XKR6: variants seen among roughly 807,000 people sequenced by gnomAD.
XKR6 encodes the protein XK related 6, also known as XK-related protein 6.
XKR6 carries 22 observed loss-of-function variants against 56.7 expected under a neutral mutation model. The ratio of observed to expected loss-of-function variants is 0.39; its 90% CI spans 0.28 to 0.55. The LOEUF (loss-of-function observed/expected upper bound fraction) is 0.55. Ranked by LOEUF, XKR6 falls within the 20% of genes least tolerant of loss-of-function variation. The probability of loss-of-function intolerance (pLI) is 0.66; values close to 1 mark genes in which losing one functional copy is unlikely to be tolerated. For missense variants in XKR6, 852 were observed against 889.0 expected (o/e 0.96, Z 0.53); for synonymous variants, 524 against 387.8 (o/e 1.35, Z -4.13).
chr8:10,967,292 G>A (rs772524948), intron 1 of XKR6, among the ~76,000 whole-genome samples: 21 of 152,204 alleles, frequency 1.4e-4, no homozygotes, highest in Non-Finnish European at 2.8e-4. Context: ...GGGATCCAGT[G>A]AGATGACACC....
At chr8:11,148,201 C>A (rs1038903500) in intron 1 of XKR6, among the ~76,000 whole-genome samples, 3 of 152,090 alleles carry the variant, frequency 2.0e-5, no homozygotes, top group African/African-American at 7.2e-5. Flanking sequence ...CAGAGCAAGA[C>A]CCTGTCTCAA....
intron 1 of XKR6, among the ~76,000 whole-genome samples, chr8:11,076,814 C>T (rs1004305126): frequency 1.3e-5 from 2 of 152,294 alleles, no homozygotes; most frequent in East Asian, 3.9e-4. Context: ...CCCACTGCTA[C>T]CTTGAATCCC....
At chr8:11,193,329 A>G (rs1459848745) in intron 1 of XKR6, among the ~76,000 whole-genome samples, 1 of 152,244 alleles carries the variant, frequency 6.6e-6, no homozygotes, top group Non-Finnish European at 1.5e-5. Flanking sequence ...AAAGAGGTCA[A>G]TGAGAAGAAA....
intron 1 of XKR6, chr8:11,124,237 C>T: frequency 2.9e-6 from 1 of 346,688 alleles, no homozygotes; most frequent in Non-Finnish European, 5.7e-6. Flanking sequence ...ATTCATCTTA[C>T]CAAAGAGGAA....
chr8:11,110,487 G>A (rs1297160500), intron 1 of XKR6, among the ~76,000 whole-genome samples: 1 of 152,080 alleles, frequency 6.6e-6, no homozygotes, highest in South Asian at 2.1e-4. Context: ...TTCAATAAAC[G>A]AATACACGAA....
chr8:11,047,595 G>A (rs1799441903), intron 1 of XKR6, among the ~76,000 whole-genome samples: 1 of 152,208 alleles, frequency 6.6e-6, no homozygotes, highest in African/African-American at 2.4e-5. Context: ...ACAGAAAGTA[G>A]AATGAGGGTT....
intron 1 of XKR6, among the ~76,000 whole-genome samples, chr8:11,074,085 C>T (rs540768296): frequency 6.6e-6 from 1 of 152,332 alleles, no homozygotes; most frequent in African/African-American, 2.4e-5. Context: ...TTGCTGAAGG[C>T]TTTTGAGCAG....
intron 1 of XKR6, among the ~76,000 whole-genome samples, chr8:11,148,028 G>C (rs1430384005): frequency 6.6e-6 from 1 of 152,052 alleles, no homozygotes; most frequent in Non-Finnish European, 1.5e-5. Flanking sequence ...TGACCAACAT[G>C]GTGAAACCCT....
At chr8:11,161,334 T>C (rs1223486189) in intron 1 of XKR6, among the ~76,000 whole-genome samples, 1 of 152,202 alleles carries the variant, frequency 6.6e-6, no homozygotes, top group East Asian at 1.9e-4. Context: ...TCAGTGTCCA[T>C]ATCACAAAGC....
intron 1 of XKR6, among the ~76,000 whole-genome samples, chr8:10,938,089 G>C (rs1801279693): frequency 6.6e-6 from 1 of 152,200 alleles, no homozygotes; most frequent in South Asian, 2.1e-4. Context: ...CCAAGTGTGG[G>C]ATATAGTCTC....
At chr8:11,089,917 T>C (rs879793689) in intron 1 of XKR6, among the ~76,000 whole-genome samples, 1 of 152,230 alleles carries the variant, frequency 6.6e-6, no homozygotes, top group East Asian at 1.9e-4. Context: ...TAAACATATA[T>C]AATAGTTTGT....
intron 1 of XKR6, among the ~76,000 whole-genome samples, chr8:10,950,007 G>A (rs1801670571): frequency 6.6e-6 from 1 of 152,212 alleles, no homozygotes; most frequent in Non-Finnish European, 1.5e-5. Context: ...GCTGTAGCTG[G>A]AAGCTTTCTG....
At chr8:11,087,367 G>A (rs1797924027) in intron 1 of XKR6, among the ~76,000 whole-genome samples, 1 of 152,172 alleles carries the variant, frequency 6.6e-6, no homozygotes, top group Non-Finnish European at 1.5e-5. Flanking sequence ...GAAGGGCACT[G>A]ACCTCAGGCT....
chr8:11,162,889 G>A (rs1022513986), intron 1 of XKR6, among the ~76,000 whole-genome samples: 1 of 152,174 alleles, frequency 6.6e-6, no homozygotes. Context: ...AGGTAAGAGT[G>A]TTTTAGGAGT....
intron 1 of XKR6, among the ~76,000 whole-genome samples, chr8:11,070,482 G>A (rs775998669): frequency 1.3e-5 from 2 of 152,160 alleles, no homozygotes; most frequent in Non-Finnish European, 2.9e-5. Flanking sequence ...TTGGGGTGGT[G>A]GTGGTTAAAA....
At chr8:10,940,485 C>T (rs1006652812) in intron 1 of XKR6, among the ~76,000 whole-genome samples, 6 of 152,280 alleles carry the variant, frequency 3.9e-5, no homozygotes, top group Non-Finnish European at 5.9e-5. Context: ...TAGTAGGCCC[C>T]GATTTTCACC....
Position 11,201,082 on chromosome 8 carries a change from G to A in XKR6, c.258C>T (p.Ala86=). ...GCGGCTGGTCCCCCCCGTCGGCGGC[G>A]GCGCTGCGGCGCGGCTTCCTGCCCA... ...SLLGRKPRRS[A]AADGGDQPLQ... Residue 86 remains alanine (A), a synonymous_variant, in exon 1 of 3, where the codon GCC becomes GCT. Coordinates refer to ENST00000416569, the MANE Select transcript of XKR6 (RefSeq NM_173683.4). The A allele has an allele frequency of 7.5e-7, 1 of 1,341,544 alleles. No homozygotes were observed. Among genetic ancestry groups the A allele is most frequent in the Non-Finnish European group, 9.5e-7 (1 of 1,047,856 alleles). 83.1% of individuals were successfully genotyped at this position (1,341,544 alleles called of 1,614,324 possible).
intron 1 of XKR6, among the ~76,000 whole-genome samples, chr8:10,967,935 C>G (rs2129132814): frequency 6.6e-6 from 1 of 152,276 alleles, no homozygotes; most frequent in African/African-American, 2.4e-5. Context: ...TGGACAGAAC[C>G]CCAGAGCCCT....
At chr8:11,195,608 T>A (rs535838463) in intron 1 of XKR6, among the ~76,000 whole-genome samples, 20 of 152,006 alleles carry the variant, frequency 1.3e-4, no homozygotes, top group Non-Finnish European at 2.6e-4. Context: ...TTTTCTTAGA[T>A]CAATTTTACT....
Sources: allele counts gnomAD v4.1 joint callset (sites outside exome capture counted in the v4.1 genomes callset), GRCh38; gene constraint gnomAD v4.1.1; transcripts MANE v1.5; gene names NCBI Gene and HGNC (gene_info 2026-07-23, HGNC 2026-07-21).